Variants in RANBP17 observed in about 807,000 individuals in gnomAD.
RANBP17 encodes the protein ran-binding protein 17.
RANBP17 carries 158 observed loss-of-function variants against 141.2 expected under a neutral mutation model. The observed-to-expected ratio is 1.12, with a 90% CI of 0.98 to 1.28. RANBP17 has a LOEUF of 1.28. Ranked by LOEUF, RANBP17 falls within the 50% of genes most tolerant of loss-of-function variation. The probability of loss-of-function intolerance (pLI) is 0.00; values close to 1 mark genes in which losing one functional copy is unlikely to be tolerated. For missense variants in RANBP17, 1,438 were observed against 1,290.7 expected, an observed-to-expected ratio of 1.11 and a Z score of -1.75; for synonymous variants, 430 against 450.0, an observed-to-expected ratio of 0.96 and a Z score of 0.56.
chr5:171,059,958 C>A (rs1277056472), intron 14 of RANBP17, among the ~76,000 whole-genome samples: 2 of 38,472 alleles, frequency 5.2e-5, no homozygotes, highest in East Asian at 1.2e-3. Context: ...TGATTTGGCT[C>A]TCTGTTTGTC....
chr5:171,182,835 G>A (rs1760950561), intron 16 of RANBP17, among the ~76,000 whole-genome samples: 1 of 152,092 alleles, frequency 6.6e-6, no homozygotes. Flanking sequence ...TAAGTAAGTA[G>A]AAGTTCGTAA....
At chr5:171,010,727 G>A (rs1360390862) in intron 14 of RANBP17, among the ~76,000 whole-genome samples, 2 of 152,114 alleles carry the variant, frequency 1.3e-5, no homozygotes, top group Admixed American at 6.6e-5. Context: ...GGGTACATCA[G>A]TATAGATCCT....
intron 14 of RANBP17, among the ~76,000 whole-genome samples, chr5:171,048,830 A>G (rs2446050): frequency 0.59 from 89,750 of 152,096 alleles, 28,118 homozygotes; most frequent in South Asian, 0.81. Context: ...TAATGGCTGC[A>G]TAGTAGTGCA....
At chr5:171,198,490 C>T (rs1462416860) in intron 18 of RANBP17, among the ~76,000 whole-genome samples, 9 of 152,154 alleles carry the variant, frequency 5.9e-5, no homozygotes, top group Admixed American at 5.9e-4. Flanking sequence ...CCAGGACCTC[C>T]GTTACTTTGT....
chr5:171,089,944 A>G (rs1194355560), intron 14 of RANBP17, among the ~76,000 whole-genome samples: 1 of 152,232 alleles, frequency 6.6e-6, no homozygotes, highest in Non-Finnish European at 1.5e-5. Flanking sequence ...TGGGAGCTGT[A>G]GACCGGAGCT....
chr5:170,968,469 A>C (rs565902050), intron 14 of RANBP17, 92 bp downstream of exon 14: 9 of 1,147,324 alleles, frequency 7.8e-6, no homozygotes, highest in African/African-American at 3.1e-5. Flanking sequence ...AAATTTCTAC[A>C]TAAGACGTGT....
chr5:170,908,738 C>G (rs995051309), intron 5 of RANBP17, among the ~76,000 whole-genome samples: 2 of 150,968 alleles, frequency 1.3e-5, no homozygotes, highest in Non-Finnish European at 3.0e-5. Context: ...TTTGTGTAAT[C>G]ATTTGGCCTT....
At chr5:171,016,515 T>C (rs1318158914) in intron 14 of RANBP17, among the ~76,000 whole-genome samples, 1 of 152,048 alleles carries the variant, frequency 6.6e-6, no homozygotes, top group East Asian at 1.9e-4. Context: ...CTGGTTTTTG[T>C]TCTTTTTTCC....
intron 14 of RANBP17, among the ~76,000 whole-genome samples, chr5:171,117,452 C>G (rs374242956): frequency 7.9e-5 from 12 of 152,054 alleles, no homozygotes; most frequent in African/African-American, 2.9e-4. Context: ...ATTTCTATGT[C>G]TTCTTTTGAG....
At chr5:171,281,811 G>C (rs72829426) in intron 25 of RANBP17, among the ~76,000 whole-genome samples, 2 of 152,106 alleles carry the variant, frequency 1.3e-5, no homozygotes, top group East Asian at 3.8e-4. Flanking sequence ...TGTAGATAAC[G>C]AGAGGCATTC....
chr5:170,997,841 A>G (rs1778921412), intron 14 of RANBP17, among the ~76,000 whole-genome samples: 1 of 152,218 alleles, frequency 6.6e-6, no homozygotes, highest in South Asian at 2.1e-4. Context: ...CCATAAGGAA[A>G]TGAACCAAAA....
chr5:170,898,194 A>G lies in RANBP17; in HGVS notation c.489+2079A>G, dbSNP rs536598227. On this transcript the variant is annotated intron_variant, in intron 5 of 27. Transcript: ENST00000523189. ...TAGGATAGTTAGCTCTTCTTGTTGCATTGACCTTTTAACATTATGTAATGC... is the reference window on the plus strand; with the variant it reads ...TAGGATAGTTAGCTCTTCTTGTTGCGTTGACCTTTTAACATTATGTAATGC... Among the ~76,000 whole-genome samples the G allele has an allele frequency of 3.9e-5, 6 of 152,232 alleles. No individual in the cohort carries two copies. The South Asian group carries it at 1.0e-3, about 26-fold the overall frequency.
At position 171,094,312 on chromosome 5, in the gene RANBP17, G is replaced by A. The variant is rs933389315; in HGVS notation, c.1711-75818G>A. ...ATGCCTTAGGCAAGTCACTAGATGA[G>A]CTCAACTCTAAGAGTACATTTTCTT... is the stretch of plus-strand genomic sequence containing the variant. On this transcript the variant is annotated intron_variant, in intron 14 of 27. Transcript: ENST00000523189. Among the ~76,000 whole-genome samples the A allele has an allele frequency of 4.6e-5, 7 of 152,196 alleles. No homozygotes were observed. The East Asian group carries it at 9.7e-4, about 21-fold the overall frequency.
chr5:170,933,259 C>T (rs1773555161), intron 12 of RANBP17, among the ~76,000 whole-genome samples: 1 of 152,036 alleles, frequency 6.6e-6, no homozygotes, highest in Admixed American at 6.6e-5. Flanking sequence ...GTTGTGATAT[C>T]CCCTTTATCA....
At chr5:170,883,949 G>A (rs868327770) in intron 3 of RANBP17, among the ~76,000 whole-genome samples, 1 of 152,114 alleles carries the variant, frequency 6.6e-6, no homozygotes, top group Non-Finnish European at 1.5e-5. Context: ...AACATTTTCA[G>A]CTCCCTTGGA....
intron 24 of RANBP17, chr5:171,252,673 A>G: frequency 6.9e-7 from 1 of 1,441,258 alleles, no homozygotes; most frequent in East Asian, 2.3e-5. Context: ...TAGTCTATTT[A>G]ACACTTCAGG....
chr5:170,972,671 A>G (rs1287060516), intron 14 of RANBP17, among the ~76,000 whole-genome samples: 3 of 152,152 alleles, frequency 2.0e-5, no homozygotes, highest in African/African-American at 7.2e-5. Flanking sequence ...AAATATTCTC[A>G]TGTCTGCATC....
At chr5:171,036,033 T>C (rs1781862796) in intron 14 of RANBP17, among the ~76,000 whole-genome samples, 1 of 152,064 alleles carries the variant, frequency 6.6e-6, no homozygotes, top group African/African-American at 2.4e-5. Flanking sequence ...GCTGGGACTG[T>C]AGGTGTGTTC....
chr5:171,256,832 A>C (rs115848397), intron 24 of RANBP17, among the ~76,000 whole-genome samples: 57 of 152,316 alleles, frequency 3.7e-4, no homozygotes, highest in African/African-American at 1.3e-3. Context: ...TCCTGGAAAC[A>C]TACAAGGTTC....
Sources: gnomAD v4.1 joint callset for allele counts (sites outside exome capture counted in the v4.1 genomes callset) on GRCh38, gnomAD v4.1.1 for gene constraint, MANE v1.5 for transcripts, NCBI Gene and HGNC (gene_info 2026-07-23, HGNC 2026-07-21) for gene names.